The following HIP1 variants were observed in gnomAD, a reference collection of about 807,000 sequenced individuals.
The protein encoded by HIP1 is huntingtin interacting protein 1.
In HIP1, 65 loss-of-function variants were observed where a neutral mutation model predicts 147.6. The observed-to-expected ratio is 0.44, with a 90% CI of 0.36 to 0.54. HIP1 has a LOEUF of 0.54. Among genes scored for constraint, HIP1 ranks in the 20% least tolerant of loss-of-function variants. HIP1 has a pLI of 0.00. For missense variants in HIP1, 1,061 were observed against 1,299.6 expected (o/e 0.82, Z 2.82); for synonymous variants, 479 against 504.0 (o/e 0.95, Z 0.67).
intron 1 of HIP1, among the ~76,000 whole-genome samples, chr7:75,634,941 GAAAAAAAAAAAA>G (rs58461422): frequency 6.4e-5 from 4 of 62,582 alleles, no homozygotes; most frequent in Non-Finnish European, 1.2e-4. Context: ...CACTATCTCT[GAAAAAAAAAAAA>G]AAAAAAAAAA....
intron 1 of HIP1, among the ~76,000 whole-genome samples, chr7:75,606,753 G>A (rs587610002): frequency 6.6e-6 from 1 of 152,232 alleles, no homozygotes; most frequent in African/African-American, 2.4e-5. Flanking sequence ...TGAACTAGCG[G>A]TAACGGTGGT....
intron 1 of HIP1, among the ~76,000 whole-genome samples, chr7:75,699,599 A>G (rs1489105146): frequency 2.6e-5 from 4 of 152,184 alleles, no homozygotes; most frequent in African/African-American, 9.7e-5. Context: ...TGGGCCCGCA[A>G]AAGAATCCAG....
intron 4 of HIP1, among the ~76,000 whole-genome samples, chr7:75,588,731 G>A (rs888143092): frequency 2.8e-4 from 42 of 151,978 alleles, no homozygotes; most frequent in African/African-American, 9.9e-4. Flanking sequence ...CCATGATCGC[G>A]CCACTGCACT....
chr7:75,551,321 T>C (rs1453087920), intron 22 of HIP1, among the ~76,000 whole-genome samples: 3 of 142,908 alleles, frequency 2.1e-5, no homozygotes, highest in Admixed American at 7.2e-5. Flanking sequence ...CCTCAGCCTC[T>C]CAAGTAGCTG....
At chr7:75,693,493 A>AT (rs1308652063) in intron 1 of HIP1, among the ~76,000 whole-genome samples, 1 of 152,034 alleles carries the variant, frequency 6.6e-6, no homozygotes, top group Non-Finnish European at 1.5e-5. Flanking sequence ...ATGGAGATAC[A>AT]TTTTTTTGCA....
intron 1 of HIP1, among the ~76,000 whole-genome samples, chr7:75,657,792 G>T (rs1017185872): frequency 1.3e-5 from 2 of 151,956 alleles, no homozygotes; most frequent in South Asian, 4.2e-4. Context: ...TTAATATTGG[G>T]TATTATATGG....
At chr7:75,556,988 G>A (rs1278529346) in intron 16 of HIP1, among the ~76,000 whole-genome samples, 177 bp from the exon 17 acceptor site, 3 of 151,900 alleles carry the variant, frequency 2.0e-5, no homozygotes, top group African/African-American at 7.3e-5. Context: ...AGAGTGTACT[G>A]AAAATGTGGA....
intron 1 of HIP1, among the ~76,000 whole-genome samples, chr7:75,723,080 A>C (rs1462523795): frequency 3.3e-5 from 5 of 152,136 alleles, no homozygotes; most frequent in African/African-American, 1.2e-4. Flanking sequence ...TCACTGTTGT[A>C]ACAAATTACT....
chr7:75,549,521 C>T (rs1050508816), intron 22 of HIP1, among the ~76,000 whole-genome samples: 1 of 151,766 alleles, frequency 6.6e-6, no homozygotes, highest in African/African-American at 2.4e-5. Context: ...CAGGTTTGCA[C>T]CACCATGCCC....
Position 75,535,512 on chromosome 7 carries a change from T to C in HIP1, c.*2660A>G, listed in dbSNP as rs1429085354. 2 of 179,548 alleles carry C rather than the reference T, an allele frequency of 1.1e-5. No homozygotes were observed. The highest frequency in any genetic ancestry group is 4.7e-5 in the African/African-American group (2 of 42,328). 11.1% of individuals were successfully genotyped at this position (179,548 alleles called of 1,614,324 possible). A position where few individuals can be genotyped will look rare whatever the true frequency, so the allele number is the denominator to read the frequency against. The stretch of plus-strand genomic sequence containing the variant: ...CTGAGACTACAGGCATGCACCATCA[T>C]GCCCGGCTAATTTTGTTTTTGAATT... On this transcript the variant is annotated 3_prime_UTR_variant, in exon 31 of 31. Transcript: ENST00000336926.
At chr7:75,675,032 G>A (rs1799849525) in intron 1 of HIP1, among the ~76,000 whole-genome samples, 1 of 151,696 alleles carries the variant, frequency 6.6e-6, no homozygotes, top group Non-Finnish European at 1.5e-5. Flanking sequence ...TATTCTTTCT[G>A]CTCTTTCTTC....
intron 8 of HIP1, among the ~76,000 whole-genome samples, chr7:75,570,731 C>G (rs1584812120): frequency 6.6e-6 from 1 of 151,932 alleles, no homozygotes; most frequent in Non-Finnish European, 1.5e-5. Context: ...AGAGGGCCAG[C>G]TGCAGTGGCT....
intron 1 of HIP1, among the ~76,000 whole-genome samples, chr7:75,662,566 C>T (rs1360379215): frequency 6.6e-6 from 1 of 152,068 alleles, no homozygotes. Context: ...AGTGCAGTTG[C>T]GTGATCTCAG....
chr7:75,659,227 C>T (rs1025741270), intron 1 of HIP1, among the ~76,000 whole-genome samples: 3 of 152,226 alleles, frequency 2.0e-5, no homozygotes, highest in Admixed American at 2.0e-4. Context: ...GGTGTCCTAG[C>T]ATCCCCCACG....
At chr7:75,635,817 G>C (rs932069770) in intron 1 of HIP1, among the ~76,000 whole-genome samples, 1 of 151,596 alleles carries the variant, frequency 6.6e-6, no homozygotes, top group African/African-American at 2.4e-5. Context: ...GAGCCCAGGA[G>C]TTCGACACCA....
chr7:75,731,221 G>A (rs937189677), intron 1 of HIP1, among the ~76,000 whole-genome samples: 5 of 151,764 alleles, frequency 3.3e-5, no homozygotes, highest in African/African-American at 7.3e-5. Flanking sequence ...AGTTGCTCCC[G>A]CCTGTAATCC....
At position 75,548,762 on chromosome 7, in the gene HIP1, C is replaced by A. The variant is rs587762841; in HGVS notation, c.2406+129G>T. Reference sequence around the variant, plus strand: ...TACAGGCATGAGCCACTGTGCCTGGCAAATTCTGGTTTCTGTCTTAGGGGG... The same window carrying A: ...TACAGGCATGAGCCACTGTGCCTGGAAAATTCTGGTTTCTGTCTTAGGGGG... On this transcript the variant is annotated intron_variant, in intron 23 of 30. Coordinates refer to ENST00000336926, the MANE Select transcript of HIP1 (RefSeq NM_005338.7). The A allele has an allele frequency of 3.6e-4, 266 of 743,672 alleles. 1 individual carries two copies. The South Asian group carries it at 4.1e-3, about 11-fold the overall frequency. 46.1% of individuals were successfully genotyped at this position (743,672 alleles called of 1,614,324 possible).
rs143203526 is a variant in HIP1 at position 75,648,267 on chromosome 7, G to A, written c.121-49020C>T. ...AGCTGAAGCTGGTTGGAGTAGTTGG[G>A]GCTGGTTGGAGTAGCTGGGGCTCGT... On this transcript the variant is annotated intron_variant, in intron 1 of 30. Coordinates refer to ENST00000336926, the MANE Select transcript of HIP1 (RefSeq NM_005338.7). Among the ~76,000 whole-genome samples the A allele has an allele frequency of 7.3e-3, 1,104 of 152,124 alleles. 16 individuals are homozygous for A. Among genetic ancestry groups the A allele is most frequent in the African/African-American group, 0.025 (1,051 of 41,508 alleles).
At position 75,581,503 on chromosome 7, in the gene HIP1, G is replaced by A. The variant is rs587644106; in HGVS notation, c.543-205C>T. Among the ~76,000 whole-genome samples, 5 of 152,342 alleles carry A rather than the reference G, an allele frequency of 3.3e-5. No individual in the cohort carries two copies. In the South Asian group the frequency reaches 1.0e-3, roughly 32 times the overall value. ...GTCAACAGTGACAGCGACAGGTCGGGGGCGGTGGCTCACGCCTGTAATCCC... is the reference window on the plus strand; with the variant it reads ...GTCAACAGTGACAGCGACAGGTCGGAGGCGGTGGCTCACGCCTGTAATCCC... On this transcript the variant is annotated intron_variant, in intron 6 of 30. Transcript: ENST00000336926.
Sources: gnomAD v4.1 joint callset for allele counts (sites outside exome capture counted in the v4.1 genomes callset) on GRCh38, gnomAD v4.1.1 for gene constraint, MANE v1.5 for transcripts, NCBI Gene and HGNC (gene_info 2026-07-23, HGNC 2026-07-21) for gene names.